APCDD1: variants seen among roughly 807,000 people sequenced by gnomAD.
APCDD1 encodes APC down-regulated 1.
A neutral mutation model predicts 38.1 loss-of-function variants in APCDD1; 15 were observed. That is an observed-to-expected ratio of 0.39 (90% CI 0.26 to 0.61). APCDD1 has a LOEUF of 0.61. APCDD1 is among the 20% of genes least tolerant of loss of function. The pLI is 0.49. For synonymous variants in APCDD1, 261 were observed against 279.7 expected (o/e 0.93, Z 0.67); for missense variants, 647 against 696.2 (o/e 0.93, Z 0.79).
chr18:10,454,792 A>ACGG lies in APCDD1; in HGVS notation c.-187_-185dup. 1.0e-6 allele frequency: 1 copy of ACGG among 980,698 alleles called. No individual in the cohort carries two copies. The highest frequency in any genetic ancestry group is 1.2e-6 in the Non-Finnish European group (1 of 828,560). The allele number at this position is 980,698 out of a possible 1,614,324, so 60.7% of individuals were successfully genotyped here. ...GGGCCGGGGCGCCCACAGCCGCCCG[A>ACGG]CGGCGCCCAGAGAGCGCGCGCCCCG... is the stretch of plus-strand genomic sequence containing the variant. On this transcript the variant is annotated 5_prime_UTR_variant, in exon 1 of 5. Coordinates refer to ENST00000355285, the MANE Select transcript of APCDD1 (RefSeq NM_153000.5).
At chr18:10,460,075 C>T (rs1050181980) in intron 1 of APCDD1, among the ~76,000 whole-genome samples, 4 of 152,176 alleles carry the variant, frequency 2.6e-5, no homozygotes, top group South Asian at 2.1e-4. Flanking sequence ...TTTAGCCCCA[C>T]GTGTGCTTGA....
chr18:10,488,168 T>C lies in APCDD1; in HGVS notation c.*130T>C. The C allele has an allele frequency of 8.8e-7, 1 of 1,135,388 alleles. No homozygotes were observed. The highest frequency in any genetic ancestry group is 1.3e-6 in the Non-Finnish European group (1 of 793,926). 70.3% of individuals were successfully genotyped at this position (1,135,388 alleles called of 1,614,324 possible). A position where few individuals can be genotyped will look rare whatever the true frequency, so the allele number is the denominator to read the frequency against. ...GAGAACTGTCCTTCTTTTTCTCCTCTCCCTCCCTCCCAGCCCCTGAGTCAT... is the reference window on the plus strand; with the variant it reads ...GAGAACTGTCCTTCTTTTTCTCCTCCCCCTCCCTCCCAGCCCCTGAGTCAT... On this transcript the variant is annotated 3_prime_UTR_variant, in exon 5 of 5. Coordinates refer to ENST00000355285, the MANE Select transcript of APCDD1 (RefSeq NM_153000.5).
At position 10,471,977 on chromosome 18, in the gene APCDD1, C is replaced by T. The variant is rs1300300147; in HGVS notation, c.690C>T (p.Leu230=). The T allele has an allele frequency of 1.2e-6, 2 of 1,613,942 alleles. No homozygotes were observed. The highest frequency in any genetic ancestry group is 2.7e-5 in the African/African-American group (2 of 74,938). ...HHNLDHLVEE[L]FLGDIHTDAT... is the part of the protein sequence containing the mutation. ...ACCTCGACCACCTGGTCGAGGAGCT[C>T]TTCCTTGGTGACATTCACACTGATG... Residue 230 remains leucine, a synonymous_variant, in exon 3 of 5, where the codon CTC becomes CTT. Coordinates refer to ENST00000355285, the MANE Select transcript of APCDD1 (RefSeq NM_153000.5). The surrounding 1 kb of genome is among the most constrained non-coding windows in gnomAD (Gnocchi z 5.5).
rs181994727 is a variant in APCDD1, at chr18:10,474,863, G to A, written c.774+2802G>A. ...GTGAAAATTATTAAATATTGGCATG[G>A]CAATTAAAGACAGCAATTGTAAAGC... On this transcript the variant is annotated intron_variant, in intron 3 of 4. Coordinates refer to ENST00000355285, the MANE Select transcript of APCDD1 (RefSeq NM_153000.5). Among the ~76,000 whole-genome samples the A allele has an allele frequency of 2.2e-3, 341 of 152,276 alleles. 1 individual carries two copies. Among genetic ancestry groups the A allele is most frequent in the Non-Finnish European group, 3.5e-3 (240 of 68,028 alleles).
intron 1 of APCDD1, among the ~76,000 whole-genome samples, chr18:10,466,116 T>C (rs969816624): frequency 6.6e-6 from 1 of 152,248 alleles, no homozygotes; most frequent in Non-Finnish European, 1.5e-5. Flanking sequence ...CTTGTAACTT[T>C]AGCTAAAATC....
At chr18:10,482,755 G>A (rs1292807251) in intron 3 of APCDD1, among the ~76,000 whole-genome samples, 1 of 152,200 alleles carries the variant, frequency 6.6e-6, no homozygotes, top group Non-Finnish European at 1.5e-5. Context: ...TTATGCAGGA[G>A]CCCTGGGCTG....
In APCDD1 at chr18:10,485,733, G is replaced by A. The variant is rs200939423; in HGVS notation, c.1046G>A (p.Arg349His). The change falls in exon 4 of 5, where the codon CGC (arginine) becomes CAC (histidine). Residue 349 changes from arginine (R) to histidine (H), a missense_variant. By Grantham distance (29) the Arg-to-His change is conservative. Coordinates refer to ENST00000355285, the MANE Select transcript of APCDD1 (RefSeq NM_153000.5). This position sits in a 1 kb window ranked among gnomAD's most constrained non-coding sequence, Gnocchi z 5.8. ...FSIYARGRYS[R>H]GVLSSRVMGG... ...ATCTACGCCCGGGGCCGCTACAGCCGCGGCGTCCTCTCGTCCAGGGTCATG... is the reference window on the plus strand; with the variant it reads ...ATCTACGCCCGGGGCCGCTACAGCCACGGCGTCCTCTCGTCCAGGGTCATG... 3.0e-4 allele frequency: 489 copies of A among 1,614,046 alleles called. 1 individual carries two copies. Among genetic ancestry groups the A allele is most frequent in the Non-Finnish European group, 1.8e-4 (213 of 1,180,026 alleles).
At chr18:10,483,398 T>C (rs555232455) in intron 3 of APCDD1, among the ~76,000 whole-genome samples, 13 of 152,348 alleles carry the variant, frequency 8.5e-5, no homozygotes, top group Non-Finnish European at 1.6e-4. Context: ...TTCATCTCAA[T>C]GCTGCAGCTC....
At chr18:10,478,703 T>C (rs1482149627) in intron 3 of APCDD1, among the ~76,000 whole-genome samples, 1 of 152,176 alleles carries the variant, frequency 6.6e-6, no homozygotes, top group Non-Finnish European at 1.5e-5. Flanking sequence ...GTAAGGATTT[T>C]AACATGGATT....
intron 1 of APCDD1, among the ~76,000 whole-genome samples, chr18:10,460,465 G>A (rs1428554408): frequency 1.3e-5 from 2 of 151,796 alleles, no homozygotes; most frequent in Admixed American, 6.6e-5. Flanking sequence ...CCCAGGAGGC[G>A]GAGGTTGCAG....
intron 4 of APCDD1, among the ~76,000 whole-genome samples, chr18:10,486,441 CTGCGTT>C (rs1941960700): frequency 6.6e-6 from 1 of 152,242 alleles, no homozygotes; most frequent in Admixed American, 6.5e-5. Context: ...TCTAATAACA[CTGCGTT>C]TGCTTGCATG....
At position 10,484,325 on chromosome 18, in the gene APCDD1, G is replaced by A. The variant is rs1156691699; in HGVS notation, c.775-1137G>A. The stretch of plus-strand genomic sequence containing the variant: ...CATTCCCTCTTCTAAAGGACCTTGC[G>A]TTTCCTACACAACTCCATTTCATCC... On this transcript the variant is annotated intron_variant, in intron 3 of 4. Coordinates refer to ENST00000355285, the MANE Select transcript of APCDD1 (RefSeq NM_153000.5). Among the ~76,000 whole-genome samples, 5 of 152,116 alleles carry A rather than the reference G, an allele frequency of 3.3e-5. No homozygotes were observed. The South Asian group carries it at 6.2e-4, about 19-fold the overall frequency.
At chr18:10,473,527 G>A (rs1004974585) in intron 3 of APCDD1, among the ~76,000 whole-genome samples, 7 of 152,318 alleles carry the variant, frequency 4.6e-5, no homozygotes, top group African/African-American at 1.2e-4. Flanking sequence ...CTCTGATGCC[G>A]GCTCCATTGC....
chr18:10,472,092 T>C lies in APCDD1; in HGVS notation c.774+31T>C. 1 of 1,611,976 alleles carries C rather than the reference T, an allele frequency of 6.2e-7. No homozygotes were observed. The highest frequency in any genetic ancestry group is 1.1e-5 in the South Asian group (1 of 91,036). ...TCAGAGCTCTGTGTTCTCCTCTTTA[T>C]TGAGTAAAGTGGGTGATCCTTCTTA... On this transcript the variant is annotated intron_variant, in intron 3 of 4. Transcript: ENST00000355285. The surrounding 1 kb of genome is among the most constrained non-coding windows in gnomAD (Gnocchi z 6.6).
At chr18:10,464,981 A>G (rs1247988249) in intron 1 of APCDD1, among the ~76,000 whole-genome samples, 1 of 152,112 alleles carries the variant, frequency 6.6e-6, no homozygotes. Context: ...AAATAATACC[A>G]ACCAACATGG....
rs1489585210 is a variant in APCDD1, at chr18:10,462,183, T to C, written c.59-6286T>C. 2.6e-5 allele frequency among the ~76,000 whole-genome samples: 4 copies of C among 152,174 alleles called. No homozygotes were observed. The East Asian group carries it at 7.7e-4, about 29-fold the overall frequency. ...GTGGGGGGGGCTTAAAAACTTAGCATTATATATAATAAGCACATTTATTAT... is the reference window on the plus strand; with the variant it reads ...GTGGGGGGGGCTTAAAAACTTAGCACTATATATAATAAGCACATTTATTAT... On this transcript the variant is annotated intron_variant, in intron 1 of 4. Coordinates refer to ENST00000355285, the MANE Select transcript of APCDD1 (RefSeq NM_153000.5).
Position 10,487,755 on chromosome 18 carries a change from A to T in APCDD1, c.1262A>T (p.Glu421Val), listed in dbSNP as rs139844939. The T allele has an allele frequency of 3.3e-5, 54 of 1,614,146 alleles. No individual in the cohort carries two copies. The African/African-American group carries it at 5.5e-4, about 16-fold the overall frequency. Reference sequence around the variant, plus strand: ...CTGGGCATCAAACTACCTCACACGGAGTACGAGATCTTCAAAATGGAACAG... The same window carrying T: ...CTGGGCATCAAACTACCTCACACGGTGTACGAGATCTTCAAAATGGAACAG... ...VALGIKLPHTEYEIFKMEQDA... is the reference protein window; with the variant it reads ...VALGIKLPHTVYEIFKMEQDA... The change falls in exon 5 of 5, where the codon GAG becomes GTG. Residue 421 changes from glutamate (E) to valine (V), a missense_variant. Physicochemically the swap from Glu to Val is moderately radical, Grantham distance 121. Coordinates refer to ENST00000355285, the MANE Select transcript of APCDD1 (RefSeq NM_153000.5).
At chr18:10,456,016 G>A (rs922346790) in intron 1 of APCDD1, among the ~76,000 whole-genome samples, 2 of 152,302 alleles carry the variant, frequency 1.3e-5, no homozygotes, top group East Asian at 3.9e-4. Context: ...CCTGTAGCGG[G>A]CTCCGGCTTC....
rs574909360 is a variant in APCDD1 at position 10,485,887 on chromosome 18, C to T, written c.1096+104C>T. 1.5e-6 allele frequency: 2 copies of T among 1,298,220 alleles called. No individual in the cohort carries two copies. The highest frequency in any genetic ancestry group is 2.2e-6 in the Non-Finnish European group (2 of 928,472). 80.4% of individuals were successfully genotyped at this position (1,298,220 alleles called of 1,614,324 possible). Reference sequence around the variant, plus strand: ...AAAGGACCTCTTTTCTGCCTGAGTTCCCAGGAAAGAAATTGGGGAGTCATT... The same window carrying T: ...AAAGGACCTCTTTTCTGCCTGAGTTTCCAGGAAAGAAATTGGGGAGTCATT... On this transcript the variant is annotated intron_variant, in intron 4 of 4. Coordinates refer to ENST00000355285, the MANE Select transcript of APCDD1 (RefSeq NM_153000.5). The surrounding 1 kb of genome is among the most constrained non-coding windows in gnomAD (Gnocchi z 5.8).
Sources: gnomAD v4.1 joint callset for allele counts (sites outside exome capture counted in the v4.1 genomes callset) on GRCh38, gnomAD v4.1.1 for gene constraint, Gnocchi (gnomAD v3.1) non-coding constraint, MANE v1.5 for transcripts, NCBI Gene and HGNC (gene_info 2026-07-23, HGNC 2026-07-21) for gene names.